Variants in MCOLN2 observed in about 807,000 individuals in gnomAD.
The protein encoded by MCOLN2 is mucolipin-2.
Under a neutral mutation model 67.5 loss-of-function variants are expected in MCOLN2, and 57 were observed. The ratio of observed to expected loss-of-function variants is 0.84; its 90% CI spans 0.68 to 1.05. The LOEUF (loss-of-function observed/expected upper bound fraction) is 1.05. MCOLN2 is among the 50% of genes least tolerant of loss of function. The pLI is 0.00. For synonymous variants in MCOLN2, 246 were observed against 233.3 expected (o/e 1.05, Z -0.50); for missense variants, 620 against 678.8 (o/e 0.91, Z 0.96).
At chr1:84,938,194 A>T (rs1015210389) in intron 9 of MCOLN2, 112 bp from the exon 10 acceptor site, 10 of 525,302 alleles carry the variant, frequency 1.9e-5, no homozygotes, top group Admixed American at 3.8e-5. Context: ...GCCTCCCTAT[A>T]GGTGATAGAG....
At chr1:84,926,841 G>C (rs370950609) in intron 13 of MCOLN2, 120 bp from the exon 14 acceptor site, 3 of 596,540 alleles carry the variant, frequency 5.0e-6, no homozygotes, top group South Asian at 1.0e-4. Context: ...GTGAAACATA[G>C]AAGAGGAAGA....
chr1:84,987,544 A>ATATGTATATATC (rs1557665850), intron 1 of MCOLN2, among the ~76,000 whole-genome samples: 3 of 35,718 alleles, frequency 8.4e-5, no homozygotes, highest in African/African-American at 2.0e-4. Flanking sequence ...ATGTATACAT[A>ATATGTATATATC]GATGTATACA....
chr1:84,951,736 G>T (rs1007070212), intron 6 of MCOLN2, among the ~76,000 whole-genome samples: 1 of 152,172 alleles, frequency 6.6e-6, no homozygotes, highest in Non-Finnish European at 1.5e-5. Context: ...GTTGAAAAGG[G>T]TTTGCTTCAT....
intron 4 of MCOLN2, among the ~76,000 whole-genome samples, chr1:84,952,840 T>C (rs1249609904): frequency 2.0e-5 from 3 of 152,182 alleles, no homozygotes; most frequent in Non-Finnish European, 2.9e-5. Context: ...AAAAAATGTA[T>C]AACTTCAATC....
chr1:84,938,928 G>A (rs892710190), intron 9 of MCOLN2, among the ~76,000 whole-genome samples: 6 of 152,146 alleles, frequency 3.9e-5, no homozygotes, highest in Non-Finnish European at 7.4e-5. Context: ...AGTAGAAGAC[G>A]GGAAAGCTGG....
Position 84,926,579 on chromosome 1 carries a change from A to G in MCOLN2, c.*106T>C. 2.7e-6 allele frequency: 2 copies of G among 749,248 alleles called. No individual in the cohort carries two copies. The highest frequency in any genetic ancestry group is 4.2e-6 in the Non-Finnish European group (2 of 476,954). 46.4% of individuals were successfully genotyped at this position (749,248 alleles called of 1,614,324 possible). On this transcript the variant is annotated 3_prime_UTR_variant, in exon 14 of 14. Transcript: ENST00000370608. ...TGTGAGTCCTCTTTCCCACTCCACA[A>G]TTAAATAAGAGAGTCATTTTGGAAC...
At chr1:84,982,361 T>C (rs917470133) in intron 1 of MCOLN2, among the ~76,000 whole-genome samples, 3 of 152,218 alleles carry the variant, frequency 2.0e-5, no homozygotes, top group African/African-American at 7.2e-5. Context: ...GGTCTTGAAC[T>C]CCTGGCCTCA....
chr1:84,929,708 T>C (rs951152443), intron 12 of MCOLN2, 29 bp from the exon 13 acceptor site: 1 of 1,596,862 alleles, frequency 6.3e-7, no homozygotes, highest in Non-Finnish European at 8.6e-7. Context: ...GTTGTTACCT[T>C]ATTTATAAGG....
chr1:84,939,125 A>C (rs1167868235), intron 9 of MCOLN2, among the ~76,000 whole-genome samples: 9 of 152,122 alleles, frequency 5.9e-5, no homozygotes, highest in Non-Finnish European at 1.3e-4. Flanking sequence ...TTAGGAGATC[A>C]AATCAACTAA....
chr1:84,938,233 A>C, intron 9 of MCOLN2, 151 bp from the exon 10 acceptor site: 1 of 460,098 alleles, frequency 2.2e-6, no homozygotes, highest in Non-Finnish European at 3.8e-6. Context: ...AAAGAAGAAA[A>C]ACAGATATAA....
At chr1:84,947,931 C>T (rs969390863) in intron 6 of MCOLN2, among the ~76,000 whole-genome samples, 1 of 152,236 alleles carries the variant, frequency 6.6e-6, no homozygotes, top group Non-Finnish European at 1.5e-5. Context: ...ATGCAGCACC[C>T]CTTCCTGCCC....
chr1:84,933,942 G>A (rs1293716340), intron 11 of MCOLN2, among the ~76,000 whole-genome samples: 1 of 152,130 alleles, frequency 6.6e-6, no homozygotes, highest in African/African-American at 2.4e-5. Context: ...TTAGGTGTTT[G>A]GTAACACCCT....
rs1557666220 is a variant in MCOLN2, at chr1:84,987,677, G to GAA, written c.77+9118_77+9119insTT. On this transcript the variant is annotated intron_variant, in intron 1 of 13. Transcript: ENST00000370608. ...ACATACATATGTATATATGTATATA[G>GAA]ATATATAGATGTATAGATGTATATA... Among the ~76,000 whole-genome samples, 318 of 107,988 alleles carry GAA rather than the reference G, an allele frequency of 2.9e-3. 13 individuals are homozygous for GAA. Among genetic ancestry groups the GAA allele is most frequent in the African/African-American group, 1.0e-2 (307 of 30,822 alleles). 70.8% of individuals were successfully genotyped at this position (107,988 alleles called of 152,430 possible).
At chr1:84,987,471 GATATA>G (rs1650601976) in intron 1 of MCOLN2, among the ~76,000 whole-genome samples, 7 of 45,802 alleles carry the variant, frequency 1.5e-4, no homozygotes, top group East Asian at 6.8e-4. Context: ...TGTATATATA[GATATA>G]TATACATATA....
In MCOLN2 at chr1:84,925,718, G is replaced by A. The variant is rs543285378; in HGVS notation, c.*967C>T. ...TACAGGTCACTTCCACATGTCATGT[G>A]TGTACAACTGACCATTAGCACAAGT... On this transcript the variant is annotated 3_prime_UTR_variant, in exon 14 of 14. Coordinates refer to ENST00000370608, the MANE Select transcript of MCOLN2 (RefSeq NM_153259.4). 1.3e-5 allele frequency: 2 copies of A among 152,298 alleles called. No homozygotes were observed. The highest frequency in any genetic ancestry group is 6.5e-5 in the Admixed American group (1 of 15,296). The allele number at this position is 152,298 out of a possible 1,614,324, so 9.4% of individuals were successfully genotyped here. A position where few individuals can be genotyped will look rare whatever the true frequency, so the allele number is the denominator to read the frequency against.
chr1:84,976,191 A>G (rs1649987148), intron 1 of MCOLN2, among the ~76,000 whole-genome samples: 1 of 152,228 alleles, frequency 6.6e-6, no homozygotes. Flanking sequence ...AAGGTTATAT[A>G]GGACACCAAG....
intron 1 of MCOLN2, among the ~76,000 whole-genome samples, chr1:84,985,267 C>T (rs548354664): frequency 6.6e-6 from 1 of 152,282 alleles, no homozygotes; most frequent in East Asian, 1.9e-4. Context: ...AAACACTTTT[C>T]AGGCTTATTG....
chr1:84,951,284 A>C (rs966860697), intron 6 of MCOLN2, among the ~76,000 whole-genome samples: 7 of 152,222 alleles, frequency 4.6e-5, no homozygotes, highest in African/African-American at 1.7e-4. Flanking sequence ...TAGTTGAATG[A>C]AACACTCTTC....
intron 1 of MCOLN2, among the ~76,000 whole-genome samples, chr1:84,976,279 T>G (rs1217180467): frequency 7.5e-6 from 1 of 133,786 alleles, no homozygotes; most frequent in African/African-American, 2.8e-5. Flanking sequence ...GAATGGATCC[T>G]AAAAGCAGCA....
Sources: allele counts gnomAD v4.1 joint callset (sites outside exome capture counted in the v4.1 genomes callset), GRCh38; gene constraint gnomAD v4.1.1; transcripts MANE v1.5; gene names NCBI Gene and HGNC (gene_info 2026-07-23, HGNC 2026-07-21).